Variants in MYO1D observed in about 807,000 individuals in gnomAD.
The protein encoded by MYO1D is unconventional myosin-Id.
In MYO1D, 83 loss-of-function variants were observed where a neutral mutation model predicts 122.0. That is an observed-to-expected ratio of 0.68 (90% confidence interval 0.57 to 0.82). The LOEUF (loss-of-function observed/expected upper bound fraction) is 0.82, where lower values mean the gene tolerates loss of function less well. Among genes scored for constraint, MYO1D ranks in the 40% least tolerant of loss-of-function variants. The probability of loss-of-function intolerance (pLI) is 0.00; values close to 1 mark genes in which losing one functional copy is unlikely to be tolerated. For missense variants in MYO1D, 1,157 were observed against 1,269.5 expected (o/e 0.91, Z 1.35); for synonymous variants, 464 against 446.9 (o/e 1.04, Z -0.48).
At chr17:32,676,154 G>A (rs963760894) in intron 16 of MYO1D, among the ~76,000 whole-genome samples, 3 of 152,076 alleles carry the variant, frequency 2.0e-5, no homozygotes, top group Non-Finnish European at 4.4e-5. Flanking sequence ...AAACAGAATT[G>A]CTGTTGTAAT....
At chr17:32,582,585 C>A (rs2087352221) in intron 21 of MYO1D, among the ~76,000 whole-genome samples, 1 of 152,068 alleles carries the variant, frequency 6.6e-6, no homozygotes, top group Non-Finnish European at 1.5e-5. Context: ...TCTATTCTGG[C>A]AAATATGCAC....
intron 3 of MYO1D, 40 bp from the exon 4 acceptor site, chr17:32,776,069 A>G: frequency 6.4e-7 from 1 of 1,570,534 alleles, no homozygotes; most frequent in Non-Finnish European, 8.6e-7. Context: ...AAAAACTTAT[A>G]GAGACTAGAA....
intron 1 of MYO1D, among the ~76,000 whole-genome samples, chr17:32,808,872 C>A (rs1442449031): frequency 6.6e-6 from 1 of 152,122 alleles, no homozygotes; most frequent in Non-Finnish European, 1.5e-5. Flanking sequence ...CATTTATAAG[C>A]TACCTACTTT....
chr17:32,663,338 C>T (rs1226199489), intron 16 of MYO1D, among the ~76,000 whole-genome samples: 2 of 152,196 alleles, frequency 1.3e-5, no homozygotes, highest in African/African-American at 4.8e-5. Context: ...TGCCCCCAAA[C>T]AGTGCCTGAT....
intron 1 of MYO1D, among the ~76,000 whole-genome samples, chr17:32,854,430 T>A (rs1443547777): frequency 6.6e-6 from 1 of 152,250 alleles, no homozygotes; most frequent in Non-Finnish European, 1.5e-5. Flanking sequence ...TAAACCTGAA[T>A]GTGAAAAGCT....
At chr17:32,737,467 C>A (rs1284856390) in intron 14 of MYO1D, among the ~76,000 whole-genome samples, 1 of 151,564 alleles carries the variant, frequency 6.6e-6, no homozygotes, top group Non-Finnish European at 1.5e-5. Flanking sequence ...CTCAAGCGAT[C>A]CTCCCACCTT....
chr17:32,669,408 A>G (rs927275849), intron 16 of MYO1D, among the ~76,000 whole-genome samples: 1 of 152,214 alleles, frequency 6.6e-6, no homozygotes, highest in Non-Finnish European at 1.5e-5. Flanking sequence ...TACTGGCCCT[A>G]GAATCCCAGA....
intron 19 of MYO1D, among the ~76,000 whole-genome samples, chr17:32,645,490 CAG>C (rs369489660): frequency 3.9e-4 from 60 of 152,288 alleles, no homozygotes; most frequent in Middle Eastern, 3.4e-3. Context: ...TAATATCCTG[CAG>C]AGTGTTTTCC....
intron 1 of MYO1D, among the ~76,000 whole-genome samples, chr17:32,781,943 C>T (rs2090243484): frequency 6.6e-6 from 1 of 152,232 alleles, no homozygotes; most frequent in African/African-American, 2.4e-5. Context: ...CCAACATGCT[C>T]TACCAGCTGA....
chr17:32,638,074 C>T (rs575774239), intron 20 of MYO1D, among the ~76,000 whole-genome samples: 3 of 152,254 alleles, frequency 2.0e-5, no homozygotes, highest in African/African-American at 2.4e-5. Context: ...TCCAATATTC[C>T]GGTAGGATCT....
chr17:32,712,086 C>T lies in MYO1D; in HGVS notation c.2023G>A (p.Gly675Arg). ...RCGFQDDVAY[G>R]KTKIFIRTPR... ...GTTCGAATGAAAATTTTGGTCTTCCCATAAGCTACATCATCCTGAAAACCA... is the reference window on the plus strand; with the variant it reads ...GTTCGAATGAAAATTTTGGTCTTCCTATAAGCTACATCATCCTGAAAACCA... The change falls in exon 16 of 22, where the codon GGG (glycine) becomes AGG (arginine). Residue 675 changes from glycine (G) to arginine (R), a missense_variant. By Grantham distance (125) the Gly-to-Arg change is moderately radical. Coordinates refer to ENST00000318217, the MANE Select transcript of MYO1D (RefSeq NM_015194.3). 1 of 1,614,070 alleles carries T rather than the reference C, an allele frequency of 6.2e-7. No individual in the cohort carries two copies. The highest frequency in any genetic ancestry group is 8.5e-7 in the Non-Finnish European group (1 of 1,180,004).
At chr17:32,644,009 G>C (rs1597965308) in intron 19 of MYO1D, among the ~76,000 whole-genome samples, 1 of 152,006 alleles carries the variant, frequency 6.6e-6, no homozygotes, top group Non-Finnish European at 1.5e-5. Context: ...TGTGATGTTA[G>C]GGTGTCAAGT....
intron 1 of MYO1D, among the ~76,000 whole-genome samples, chr17:32,822,826 G>A (rs2090686322): frequency 1.3e-5 from 2 of 151,436 alleles, no homozygotes; most frequent in Admixed American, 6.6e-5. Context: ...CTCCGGGGTC[G>A]ACCGGCTGCC....
chr17:32,760,974 A>G lies in MYO1D; in HGVS notation c.1036-347T>C, dbSNP rs186092784. ...CTTTATTATTAATTTCATCAACTAT[A>G]AAGAGTTGAGAGCTAGTGAGTTAAT... On this transcript the variant is annotated intron_variant, in intron 8 of 21. Coordinates refer to ENST00000318217, the MANE Select transcript of MYO1D (RefSeq NM_015194.3). 6.1e-3 allele frequency among the ~76,000 whole-genome samples: 929 copies of G among 152,368 alleles called. 6 individuals carry two copies. Among genetic ancestry groups the G allele is most frequent in the Admixed American group, 0.014 (218 of 15,304 alleles).
chr17:32,743,673 A>G (rs551166185), intron 13 of MYO1D, among the ~76,000 whole-genome samples: 4 of 151,778 alleles, frequency 2.6e-5, no homozygotes, highest in Non-Finnish European at 5.9e-5. Flanking sequence ...GCTGGAGTGC[A>G]GTGGCGCGAT....
At chr17:32,556,161 G>C (rs1335830720) in intron 21 of MYO1D, among the ~76,000 whole-genome samples, 2 of 152,248 alleles carry the variant, frequency 1.3e-5, no homozygotes, top group Admixed American at 1.3e-4. Flanking sequence ...TGGGCAAACA[G>C]TGGGAAGACC....
intron 21 of MYO1D, chr17:32,530,104 T>C (rs1310907940): frequency 6.6e-6 from 1 of 151,906 alleles, no homozygotes; most frequent in Non-Finnish European, 1.5e-5. Context: ...AAATATAAAT[T>C]AAAAAACATA....
At chr17:32,623,210 A>G (rs945195146) in intron 20 of MYO1D, among the ~76,000 whole-genome samples, 2 of 152,218 alleles carry the variant, frequency 1.3e-5, no homozygotes, top group African/African-American at 2.4e-5. Context: ...GGCACACTGT[A>G]AAGAGGTCTA....
intron 21 of MYO1D, among the ~76,000 whole-genome samples, chr17:32,577,826 C>T (rs1343292989): frequency 1.3e-5 from 2 of 151,938 alleles, no homozygotes; most frequent in African/African-American, 2.4e-5. Flanking sequence ...GCAAGCTCTG[C>T]CTCCTGGGTT....
Sources: gnomAD v4.1 joint callset for allele counts (sites outside exome capture counted in the v4.1 genomes callset) on GRCh38, gnomAD v4.1.1 for gene constraint, MANE v1.5 for transcripts, NCBI Gene and HGNC (gene_info 2026-07-23, HGNC 2026-07-21) for gene names.